The following TRPS1 variants were observed in gnomAD, a reference collection of about 807,000 sequenced individuals.
TRPS1 encodes zinc finger transcription factor Trps1.
In TRPS1, 6 loss-of-function variants were observed where a neutral mutation model predicts 101.2. The ratio of observed to expected loss-of-function variants is 0.06; its 90% CI spans 0.03 to 0.12. The LOEUF (loss-of-function observed/expected upper bound fraction) is 0.12. Ranked by LOEUF, TRPS1 falls within the 10% of genes least tolerant of loss-of-function variation. TRPS1 has a pLI of 1.00. For synonymous variants in TRPS1, 578 were observed against 589.8 expected, an observed-to-expected ratio of 0.98 and a Z score of 0.29; for missense variants, 1,363 against 1,567.0, an observed-to-expected ratio of 0.87 and a Z score of 2.20.
At chr8:115,624,034 C>T (rs1046458686) in intron 1 of TRPS1, among the ~76,000 whole-genome samples, 2 of 152,000 alleles carry the variant, frequency 1.3e-5, no homozygotes, top group Admixed American at 6.6e-5. Context: ...CCCCTTCAAC[C>T]CTAATGACCA....
chr8:115,533,445 T>TGTTG (rs1816194642), intron 5 of TRPS1, among the ~76,000 whole-genome samples: 2 of 127,706 alleles, frequency 1.6e-5, no homozygotes, highest in African/African-American at 6.7e-5. Flanking sequence ...TGTTTTTTTT[T>TGTTG]TTTTTTTTTT....
intron 5 of TRPS1, among the ~76,000 whole-genome samples, chr8:115,481,925 GGT>G (rs1814763362): frequency 6.6e-6 from 1 of 152,114 alleles, no homozygotes. Flanking sequence ...GGAAAATTTC[GGT>G]AAGTTTAGGA....
At chr8:115,471,196 G>T (rs1814460349) in intron 5 of TRPS1, among the ~76,000 whole-genome samples, 1 of 152,166 alleles carries the variant, frequency 6.6e-6, no homozygotes, top group Non-Finnish European at 1.5e-5. Context: ...AAGCGCCTGA[G>T]ATTGGGTAAT....
intron 5 of TRPS1, among the ~76,000 whole-genome samples, chr8:115,509,323 T>C (rs1815522911): frequency 1.3e-5 from 2 of 152,016 alleles, no homozygotes; most frequent in South Asian, 4.1e-4. Flanking sequence ...GAACATCTGT[T>C]AAGTGCTAGG....
chr8:115,580,987 C>A (rs1019505884), intron 5 of TRPS1, among the ~76,000 whole-genome samples: 1 of 151,920 alleles, frequency 6.6e-6, no homozygotes, highest in African/African-American at 2.4e-5. Flanking sequence ...AATCAAGATA[C>A]GGAATCAGCC....
chr8:115,585,051 T>C (rs1024954289), intron 5 of TRPS1, among the ~76,000 whole-genome samples: 18 of 152,160 alleles, frequency 1.2e-4, no homozygotes, highest in Admixed American at 8.5e-4. Context: ...TCTCTGAAAT[T>C]TAGTAGATTA....
At chr8:115,636,156 CAT>C (rs1213443827) in intron 1 of TRPS1, among the ~76,000 whole-genome samples, 3 of 151,664 alleles carry the variant, frequency 2.0e-5, no homozygotes, top group Admixed American at 6.6e-5. Flanking sequence ...CTATATATTA[CAT>C]ATTAATGTAT....
At chr8:115,596,923 G>A (rs373545001) in intron 4 of TRPS1, among the ~76,000 whole-genome samples, 33 of 151,522 alleles carry the variant, frequency 2.2e-4, no homozygotes, top group African/African-American at 5.6e-4. Flanking sequence ...TTTTTATTCC[G>A]TCAAAATTAT....
intron 3 of TRPS1, among the ~76,000 whole-genome samples, chr8:115,616,215 T>C (rs1354544431): frequency 2.0e-5 from 3 of 152,172 alleles, no homozygotes; most frequent in African/African-American, 7.2e-5. Context: ...AAAGAAACAT[T>C]GTTATTTGGC....
intron 1 of TRPS1, among the ~76,000 whole-genome samples, chr8:115,655,461 T>G (rs1190460845): frequency 2.0e-5 from 3 of 151,864 alleles, no homozygotes; most frequent in African/African-American, 7.3e-5. Flanking sequence ...ATCACAGAAC[T>G]AAGAGAGTCA....
chr8:115,427,764 C>G (rs1035583062), intron 5 of TRPS1, among the ~76,000 whole-genome samples: 4 of 146,636 alleles, frequency 2.7e-5, no homozygotes, highest in African/African-American at 1.0e-4. Context: ...CATCCTTCAT[C>G]AGATATGGCA....
At chr8:115,617,412 T>C (rs1400364628) in intron 3 of TRPS1, among the ~76,000 whole-genome samples, 6 of 152,190 alleles carry the variant, frequency 3.9e-5, no homozygotes, top group African/African-American at 9.7e-5. Flanking sequence ...TACCCAAACA[T>C]AAACTTTACT....
chr8:115,462,636 T>A (rs1300840553), intron 5 of TRPS1, among the ~76,000 whole-genome samples: 6 of 84,194 alleles, frequency 7.1e-5, no homozygotes, highest in Non-Finnish European at 1.2e-4. Flanking sequence ...TCTCTCTCTC[T>A]CTCTCTTTTT....
intron 5 of TRPS1, among the ~76,000 whole-genome samples, chr8:115,491,133 C>T: frequency 6.6e-6 from 1 of 152,148 alleles, no homozygotes; most frequent in East Asian, 1.9e-4. Context: ...AACCCTTTAC[C>T]TTGTAATAAT....
In TRPS1 at chr8:115,411,321, G is replaced by A. The variant is rs571590805; in HGVS notation, c.*2702C>T. 1 of 152,206 alleles carries A rather than the reference G, an allele frequency of 6.6e-6. No homozygotes were observed. The highest frequency in any genetic ancestry group is 1.5e-5 in the Non-Finnish European group (1 of 67,882). The allele number at this position is 152,206 out of a possible 1,614,324, so 9.4% of individuals were successfully genotyped here. A position where few individuals can be genotyped will look rare whatever the true frequency, so the allele number is the denominator to read the frequency against. On this transcript the variant is annotated 3_prime_UTR_variant, in exon 7 of 7. Transcript: ENST00000395715. ...TGAATGAAAATAAAAAGGCATACAT[G>A]CCAAAAATAAAGAACCTATTTGTGT...
At chr8:115,620,778 T>G (rs1818376130) in intron 2 of TRPS1, among the ~76,000 whole-genome samples, 1 of 152,204 alleles carries the variant, frequency 6.6e-6, no homozygotes, top group South Asian at 2.1e-4. Context: ...AAGAAAGACC[T>G]GCTATGCATC....
At chr8:115,500,762 GACAGGGTTTC>G (rs1436993728) in intron 5 of TRPS1, among the ~76,000 whole-genome samples, 1 of 151,828 alleles carries the variant, frequency 6.6e-6, no homozygotes, top group Admixed American at 6.6e-5. Context: ...TTTTAGTAGA[GACAGGGTTTC>G]ACCGTGTTAG....
intron 5 of TRPS1, among the ~76,000 whole-genome samples, chr8:115,585,768 G>A (rs935304723): frequency 1.3e-5 from 2 of 152,146 alleles, no homozygotes; most frequent in Admixed American, 1.3e-4. Flanking sequence ...CTGCAGGAAG[G>A]ATTCTTTGTT....
At chr8:115,481,427 A>G (rs1426585607) in intron 5 of TRPS1, among the ~76,000 whole-genome samples, 2 of 151,464 alleles carry the variant, frequency 1.3e-5, no homozygotes, top group South Asian at 2.1e-4. Context: ...AACAAAACCC[A>G]TACAGAGTAA....
Sources: gnomAD v4.1 joint callset for allele counts (sites outside exome capture counted in the v4.1 genomes callset) on GRCh38, gnomAD v4.1.1 for gene constraint, MANE v1.5 for transcripts, NCBI Gene and HGNC (gene_info 2026-07-23, HGNC 2026-07-21) for gene names.